The following CFAP99 variants were observed in gnomAD, a reference collection of about 807,000 sequenced individuals.
CFAP99 encodes the protein cilia- and flagella-associated protein 99.
Under a neutral mutation model 82.7 loss-of-function variants are expected in CFAP99, and 84 were observed. That is an observed-to-expected ratio of 1.02 (90% CI 0.85 to 1.22). CFAP99 has a LOEUF of 1.22. CFAP99 is among the 50% of genes most tolerant of loss of function. CFAP99 has a pLI of 0.00. For synonymous variants in CFAP99, 456 were observed against 429.5 expected (o/e 1.06, Z -0.76); for missense variants, 1,059 against 983.5 (o/e 1.08, Z -1.03).
At chr4:2,442,260 A>G (rs900157139) in intron 4 of CFAP99, among the ~76,000 whole-genome samples, 2 of 151,964 alleles carry the variant, frequency 1.3e-5, no homozygotes, top group Admixed American at 6.5e-5. Context: ...GCCAGAAGGA[A>G]GGTAAGTAGA....
At chr4:2,460,964 C>T (rs1232303940) in intron 14 of CFAP99, among the ~76,000 whole-genome samples, 1 of 152,204 alleles carries the variant, frequency 6.6e-6, no homozygotes, top group Admixed American at 6.5e-5. Flanking sequence ...GTCTCGAACT[C>T]CTGACCTCGT....
At chr4:2,440,146 A>ATTTTTTTT (rs1560382287) in intron 4 of CFAP99, among the ~76,000 whole-genome samples, 1 of 95,872 alleles carries the variant, frequency 1.0e-5, no homozygotes, top group African/African-American at 5.0e-5. Context: ...CCAGCTTGAC[A>ATTTTTTTT]TTCTTTTTTT....
intron 2 of CFAP99, among the ~76,000 whole-genome samples, chr4:2,431,714 C>T (rs114431191): frequency 2.3e-4 from 34 of 151,064 alleles, no homozygotes; most frequent in African/African-American, 7.3e-4. Context: ...TATCTTTGCC[C>T]GTCAAATAGG....
At chr4:2,434,726 T>C (rs1203765) in intron 2 of CFAP99, among the ~76,000 whole-genome samples, 99,148 of 152,066 alleles carry the variant, frequency 0.65, 32,999 homozygotes, top group East Asian at 0.99. Context: ...CATCCCCCAA[T>C]CTTGCCCCTA....
rs1337399556 is a variant in CFAP99 at position 2,459,387 on chromosome 4, A to AC, written c.1455+132dup. ...TGCACCACCTGAAACCTGGCCCGCC[A>AC]CCCTCCGTGACTCAACACCCATGTG... On this transcript the variant is annotated intron_variant, in intron 13 of 14. Transcript: ENST00000635017. The AC allele has an allele frequency of 5.0e-5, 55 of 1,109,998 alleles. 1 individual carries two copies. The highest frequency in any genetic ancestry group is 1.2e-4 in the South Asian group (7 of 57,290). 68.8% of individuals were successfully genotyped at this position (1,109,998 alleles called of 1,614,324 possible).
chr4:2,453,042 G>T (rs911734863), intron 11 of CFAP99, among the ~76,000 whole-genome samples: 2 of 152,156 alleles, frequency 1.3e-5, no homozygotes, highest in Non-Finnish European at 2.9e-5. Context: ...CATCCTGGGC[G>T]ACAGAGCGTA....
intron 1 of CFAP99, among the ~76,000 whole-genome samples, chr4:2,425,690 A>G (rs1439669326): frequency 6.6e-6 from 1 of 152,128 alleles, no homozygotes; most frequent in Non-Finnish European, 1.5e-5. Flanking sequence ...CCCAAGGATG[A>G]CGGCCTTTGC....
intron 2 of CFAP99, among the ~76,000 whole-genome samples, chr4:2,430,513 C>G (rs111799162): frequency 7.0e-6 from 1 of 142,552 alleles, no homozygotes. Context: ...GTAAACCAAA[C>G]GGCAGACTCC....
rs1734641193 is a variant in CFAP99, at chr4:2,462,407, C to T, written c.1662-36C>T. 7.1e-7 allele frequency: 1 copy of T among 1,399,104 alleles called. No individual in the cohort carries two copies. The highest frequency in any genetic ancestry group is 9.2e-7 in the Non-Finnish European group (1 of 1,090,054). The allele number at this position is 1,399,104 out of a possible 1,614,324, so 86.7% of individuals were successfully genotyped here. A position where few individuals can be genotyped will look rare whatever the true frequency, so the allele number is the denominator to read the frequency against. On this transcript the variant is annotated intron_variant, in intron 14 of 14. Transcript: ENST00000635017. The surrounding 1 kb of genome is among the most constrained non-coding windows in gnomAD (Gnocchi z 4.1). ...TCCTGGGTCTGGCCTGGGCCTCCCG[C>T]CGGCCTGCTCCTGAGCCCGCCGCGT...
At chr4:2,423,928 G>A (rs749661425) in intron 1 of CFAP99, among the ~76,000 whole-genome samples, 12 of 152,256 alleles carry the variant, frequency 7.9e-5, no homozygotes, top group Non-Finnish European at 1.5e-4. Context: ...GCAGGCTCCC[G>A]GGCAGTGACG....
intron 1 of CFAP99, among the ~76,000 whole-genome samples, chr4:2,424,365 G>A (rs779172859): frequency 6.6e-6 from 1 of 152,172 alleles, no homozygotes; most frequent in Non-Finnish European, 1.5e-5. Context: ...AGGCAGGAGA[G>A]TCGCTTGAAT....
intron 6 of CFAP99, 51 bp downstream of exon 6, chr4:2,445,359 C>T: frequency 7.8e-7 from 1 of 1,277,580 alleles, no homozygotes. Flanking sequence ...TCAGGGTAGC[C>T]AAGCTGGGAG....
chr4:2,457,288 C>A (rs1369052230), intron 11 of CFAP99, among the ~76,000 whole-genome samples: 1 of 152,224 alleles, frequency 6.6e-6, no homozygotes, highest in African/African-American at 2.4e-5. Flanking sequence ...TTTCATCAAG[C>A]AGCACTTGCA....
rs964550694 is a variant in CFAP99 at position 2,462,807 on chromosome 4, CAGGCGCAGCTAG to C, written c.2036_2047del (p.Leu679_Gln682del). The C allele has an allele frequency of 1.3e-5, 17 of 1,314,112 alleles. No homozygotes were observed. Among genetic ancestry groups the C allele is most frequent in the African/African-American group, 3.1e-5 (2 of 64,732 alleles). The allele number at this position is 1,314,112 out of a possible 1,614,324, so 81.4% of individuals were successfully genotyped here. A position where few individuals can be genotyped will look rare whatever the true frequency, so the allele number is the denominator to read the frequency against. ...CCGCGCCGACGCGTTCCCCGGCCTG[CAGGCGCAGCTAG>C]AGGCGCAGCACTGGCTGGAGCTGGA... is the stretch of plus-strand genomic sequence containing the variant. On this transcript the variant is annotated inframe_deletion, in exon 15 of 15. Transcript: ENST00000635017. The surrounding 1 kb of genome is among the most constrained non-coding windows in gnomAD (Gnocchi z 4.1).
At chr4:2,429,853 G>A (rs1203778) in intron 2 of CFAP99, among the ~76,000 whole-genome samples, 112,765 of 152,166 alleles carry the variant, frequency 0.74, 42,968 homozygotes, top group East Asian at 0.99. Context: ...GGCCTCCCAA[G>A]GTGCTGGGAT....
chr4:2,425,604 G>A (rs1225427725), intron 1 of CFAP99, among the ~76,000 whole-genome samples: 1 of 152,206 alleles, frequency 6.6e-6, no homozygotes, highest in African/African-American at 2.4e-5. Context: ...CAAGAGGAGG[G>A]TGAGAAGGGC....
chr4:2,441,798 C>T (rs1176909948), intron 4 of CFAP99, among the ~76,000 whole-genome samples: 2 of 152,222 alleles, frequency 1.3e-5, no homozygotes, highest in Non-Finnish European at 2.9e-5. Flanking sequence ...GGGGAGCAAG[C>T]TACTGGGACG....
intron 5 of CFAP99, 96 bp from the exon 6 acceptor site, chr4:2,445,035 C>A: frequency 2.2e-6 from 2 of 925,860 alleles, no homozygotes; most frequent in Non-Finnish European, 2.8e-6. Context: ...AAGGTGGACC[C>A]AATCGCTGCG....
At chr4:2,459,066 G>T (rs1415488278) in intron 12 of CFAP99, 41 bp from the exon 13 acceptor site, 6 of 1,476,948 alleles carry the variant, frequency 4.1e-6, no homozygotes, top group African/African-American at 1.4e-5. Flanking sequence ...CCCCTGCCCT[G>T]CCACCCACCA....
Sources: allele counts gnomAD v4.1 joint callset (sites outside exome capture counted in the v4.1 genomes callset), GRCh38; gene constraint gnomAD v4.1.1; non-coding constraint Gnocchi (gnomAD v3.1); transcripts MANE v1.5; gene names NCBI Gene and HGNC (gene_info 2026-07-23, HGNC 2026-07-21).